ALOX15: variants seen among roughly 807,000 people sequenced by gnomAD.
The protein encoded by ALOX15 is arachidonate 15-lipoxygenase.
Under a neutral mutation model 71.7 loss-of-function variants are expected in ALOX15, and 68 were observed. The observed-to-expected ratio is 0.95, with a 90% CI of 0.78 to 1.16. The LOEUF (loss-of-function observed/expected upper bound fraction) is 1.16, where lower values mean the gene tolerates loss of function less well. ALOX15 is among the 50% of genes most tolerant of loss of function. The probability of loss-of-function intolerance (pLI) is 0.00; values close to 1 mark genes in which losing one functional copy is unlikely to be tolerated. For missense variants in ALOX15, 798 were observed against 818.8 expected, an observed-to-expected ratio of 0.97 and a Z score of 0.31; for synonymous variants, 346 against 333.3, an observed-to-expected ratio of 1.04 and a Z score of -0.42.
At position 4,631,774 on chromosome 17, in the gene ALOX15, A is replaced by G. The variant is rs748296207; in HGVS notation, c.1815T>C (p.Ala605=). 3 of 1,613,938 alleles carry G rather than the reference A, an allele frequency of 1.9e-6. No individual in the cohort carries two copies. In the African/African-American group the frequency reaches 4.0e-5, roughly 22 times the overall value. Residue 605 remains alanine (A), a synonymous_variant, in exon 14 of 14, where the codon GCT becomes GCC. Transcript: ENST00000293761. Reference sequence around the variant, plus strand: ...AATACTCCTCCTCATGCTGGCCCACAGCCACCTGGGAGGGAGAGGAAAAGG... The same window carrying G: ...AATACTCCTCCTCATGCTGGCCCACGGCCACCTGGGAGGGAGAGGAAAAGG... ...QLGRRQPVMV[A]VGQHEEEYFS... is the part of the protein sequence containing the mutation.
chr17:4,632,815 C>A (rs1397204203), intron 11 of ALOX15, 46 bp downstream of exon 11: 1 of 1,613,100 alleles, frequency 6.2e-7, no homozygotes, highest in East Asian at 2.2e-5. Flanking sequence ...CTGGGAAGAT[C>A]TCTTGGGCTT....
chr17:4,631,515 A>G lies in ALOX15; in HGVS notation c.*85T>C, dbSNP rs951324992. ...GGGTGGGACATGGGAAGAGGGTGGGACTTGGGAGGGCAGGGCTATAACCAC... is the reference window on the plus strand; with the variant it reads ...GGGTGGGACATGGGAAGAGGGTGGGGCTTGGGAGGGCAGGGCTATAACCAC... On this transcript the variant is annotated 3_prime_UTR_variant, in exon 14 of 14. Coordinates refer to ENST00000293761, the MANE Select transcript of ALOX15 (RefSeq NM_001140.5). 4.6e-6 allele frequency: 7 copies of G among 1,512,938 alleles called. No homozygotes were observed. The African/African-American group carries it at 9.5e-5, about 21-fold the overall frequency. 93.7% of individuals were successfully genotyped at this position (1,512,938 alleles called of 1,614,324 possible).
rs1435455130 is a variant in ALOX15, at chr17:4,631,955, G to C, written c.1743C>G (p.Pro581=). ...TCTGGAGAGAAGCCTGGTGGAAGTTGGGCAGTGTCGCCATCACTGTCTCCA... is the reference window on the plus strand; with the variant it reads ...TCTGGAGAGAAGCCTGGTGGAAGTTCGGCAGTGTCGCCATCACTGTCTCCA... ...ATLETVMATL[P]NFHQASLQMS... Residue 581 remains proline, a synonymous_variant, in exon 13 of 14, where the codon CCC becomes CCG. Coordinates refer to ENST00000293761, the MANE Select transcript of ALOX15 (RefSeq NM_001140.5). 1 of 1,614,036 alleles carries C rather than the reference G, an allele frequency of 6.2e-7. No individual in the cohort carries two copies. Among genetic ancestry groups the C allele is most frequent in the African/African-American group, 1.3e-5 (1 of 74,942 alleles).
rs763557391 is a variant in ALOX15 at position 4,637,273 on chromosome 17, A to T, written c.808-15T>A. ...AGTGTGCCTCCCTGGGTGGGGGAAG[A>T]GGTCAAGGGCTGCTATCAACATAAA... On this transcript the variant is annotated splice_polypyrimidine_tract_variant and intron_variant, in intron 6 of 13. Transcript: ENST00000293761. 1.1e-5 allele frequency: 18 copies of T among 1,603,674 alleles called. No individual in the cohort carries two copies. In the Admixed American group the frequency reaches 1.7e-4, roughly 15 times the overall value.
Position 4,638,919 on chromosome 17 carries a change from T to C in ALOX15, c.473A>G (p.Tyr158Cys), listed in dbSNP as rs749884701. 10 of 1,614,082 alleles carry C rather than the reference T, an allele frequency of 6.2e-6. No homozygotes were observed. The highest frequency in any genetic ancestry group is 1.3e-5 in the African/African-American group (1 of 74,918). Residue 158 changes from tyrosine (Y) to cysteine (C), a missense_variant, in exon 4 of 14, where the codon TAT becomes TGT. Tyr to Cys is a radical substitution (Grantham distance 194, BLOSUM62 -2). Around this residue, in one of 3 missense-constraint regions of ALOX15, gnomAD observed 300 missense variants for 283.1 expected, o/e 1.06. Transcript: ENST00000293761. ...LILNMAGAKL[Y>C]DLPVDERFLE... ...AAATCGCTCATCCACAGGGAGGTCA[T>C]ATAGTTTGGCCCCAGCCATATTCAG...
intron 6 of ALOX15, among the ~76,000 whole-genome samples, 169 bp from the exon 7 acceptor site, chr17:4,637,427 G>T (rs1185885989): frequency 1.3e-5 from 2 of 151,712 alleles, no homozygotes; most frequent in East Asian, 1.9e-4. Flanking sequence ...TTTAATCAGG[G>T]TCTTACCGTG....
At chr17:4,632,729 G>T in intron 11 of ALOX15, 132 bp downstream of exon 11, 1 of 1,426,126 alleles carries the variant, frequency 7.0e-7, no homozygotes, top group Non-Finnish European at 9.5e-7. Context: ...ACAGGGAGTG[G>T]AATCTGAGAA....
intron 2 of ALOX15, 38 bp from the exon 3 acceptor site, chr17:4,639,170 G>T: frequency 6.2e-7 from 1 of 1,611,026 alleles, no homozygotes; most frequent in South Asian, 1.1e-5. Flanking sequence ...GTGACTTTTG[G>T]TGAGCGCCTC....
intron 11 of ALOX15, among the ~76,000 whole-genome samples, chr17:4,632,512 C>T (rs959004342): frequency 2.0e-5 from 3 of 152,150 alleles, no homozygotes; most frequent in Non-Finnish European, 4.4e-5. Context: ...AAGAGTCAGT[C>T]CATGACGTTA....
chr17:4,633,578 G>A, intron 8 of ALOX15, 78 bp from the exon 9 acceptor site: 1 of 1,251,570 alleles, frequency 8.0e-7, no homozygotes, highest in South Asian at 1.2e-5. Context: ...GCTGACAGCA[G>A]GAAAGGCACC....
chr17:4,632,352 AGAG>A (rs1910942155), intron 11 of ALOX15, 71 bp from the exon 12 acceptor site: 1 of 1,274,076 alleles, frequency 7.8e-7, no homozygotes, highest in Admixed American at 1.8e-5. Flanking sequence ...AGAGGCCAAG[AGAG>A]GAGAACAAGG....
chr17:4,631,837 C>T, intron 13 of ALOX15, 52 bp downstream of exon 13: 1 of 1,608,836 alleles, frequency 6.2e-7, no homozygotes, highest in Non-Finnish European at 8.5e-7. Context: ...TGGGATGCCA[C>T]ACGTCCCCAC....
chr17:4,639,683 C>T (rs1362153393), intron 1 of ALOX15, 52 bp from the exon 2 acceptor site: 1 of 1,533,576 alleles, frequency 6.5e-7, no homozygotes, highest in African/African-American at 1.4e-5. Flanking sequence ...GGGAGGGGCA[C>T]CCGGCTGAGC....
At chr17:4,641,317 C>A (rs1487378665) in intron 1 of ALOX15, among the ~76,000 whole-genome samples, 200 bp downstream of exon 1, 6 of 152,210 alleles carry the variant, frequency 3.9e-5, no homozygotes, top group Non-Finnish European at 5.9e-5. Flanking sequence ...GTAGCGGCAA[C>A]ATTTATTGAG....
intron 7 of ALOX15, among the ~76,000 whole-genome samples, chr17:4,636,499 C>T (rs187958979): frequency 1.3e-5 from 2 of 152,222 alleles, no homozygotes; most frequent in East Asian, 1.9e-4. Flanking sequence ...CCTCTGCACT[C>T]GCATCCACCT....
intron 11 of ALOX15, 126 bp downstream of exon 11, chr17:4,632,735 G>C: frequency 6.8e-7 from 1 of 1,470,074 alleles, no homozygotes; most frequent in African/African-American, 1.4e-5. Context: ...AGTGGAATCT[G>C]AGAAGGCCTC....
Position 4,639,500 on chromosome 17 carries a change from C to T in ALOX15, c.267G>A (p.Gly89=). Residue 89 remains glycine, a synonymous_variant, in exon 2 of 14, where the codon GGG becomes GGA. Coordinates refer to ENST00000293761, the MANE Select transcript of ALOX15 (RefSeq NM_001140.5). ...GGTAACAAGGGAACCTGACCTCGTC[C>T]CCGGCTCCGGGGCCCTGCACAGAGA... ...NWISVQGPGA[G]DEVRFPCYRW... 5 of 1,613,998 alleles carry T rather than the reference C, an allele frequency of 3.1e-6. No homozygotes were observed. Among genetic ancestry groups the T allele is most frequent in the South Asian group, 1.1e-5 (1 of 91,086 alleles).
At chr17:4,640,704 G>A (rs1911290870) in intron 1 of ALOX15, among the ~76,000 whole-genome samples, 1 of 150,972 alleles carries the variant, frequency 6.6e-6, no homozygotes, top group African/African-American at 2.4e-5. Flanking sequence ...CGGGGAGCAG[G>A]GCTCCGCAGG....
In ALOX15 at chr17:4,631,345, A is replaced by G. The variant is rs1910887451; in HGVS notation, c.*255T>C. On this transcript the variant is annotated 3_prime_UTR_variant, in exon 14 of 14. Transcript: ENST00000293761. ...ATAATTGTGGCTATTTGCCATATAG[A>G]TCTGAATGAAGAAAGAGGAAGAGAG... 3.7e-6 allele frequency: 2 copies of G among 533,682 alleles called. No homozygotes were observed. The highest frequency in any genetic ancestry group is 6.0e-5 in the East Asian group (2 of 33,518). 33.1% of individuals were successfully genotyped at this position (533,682 alleles called of 1,614,324 possible).
Sources: allele counts gnomAD v4.1 joint callset (sites outside exome capture counted in the v4.1 genomes callset), GRCh38; gene constraint gnomAD v4.1.1; regional missense constraint gnomAD v4.1.1; transcripts MANE v1.5; gene names NCBI Gene and HGNC (gene_info 2026-07-23, HGNC 2026-07-21).